ANKRD53: variants seen among roughly 807,000 people sequenced by gnomAD.
ANKRD53 encodes the protein ankyrin repeat domain 53.
A neutral mutation model predicts 30.1 loss-of-function variants in ANKRD53; 27 were observed. The ratio of observed to expected loss-of-function variants is 0.90; its 90% CI spans 0.66 to 1.24. ANKRD53 has a LOEUF of 1.24. Among genes scored for constraint, ANKRD53 ranks in the 50% most tolerant of loss-of-function variants. The pLI is 0.00. For synonymous variants in ANKRD53, 286 were observed against 295.4 expected (o/e 0.97, Z 0.33); for missense variants, 682 against 721.0 (o/e 0.95, Z 0.62).
At chr2:70,981,022 T>G (rs1223516090) in intron 3 of ANKRD53, among the ~76,000 whole-genome samples, 2 of 152,220 alleles carry the variant, frequency 1.3e-5, no homozygotes, top group Admixed American at 1.3e-4. Context: ...TGGTGTGACC[T>G]GGGCTTGGGA....
At chr2:70,981,528 G>T (rs1670008997) in intron 3 of ANKRD53, among the ~76,000 whole-genome samples, 1 of 152,182 alleles carries the variant, frequency 6.6e-6, no homozygotes. Flanking sequence ...CAAAGACCAT[G>T]TGTTGGGAAA....
In ANKRD53 at chr2:70,982,784, T is replaced by C; in HGVS notation, c.903+87T>C. 6.5e-7 allele frequency: 1 copy of C among 1,536,332 alleles called. No individual in the cohort carries two copies. The highest frequency in any genetic ancestry group is 1.2e-5 in the South Asian group (1 of 82,128). ...CAGTGACCCACATATTGTGGAGGAG[T>C]GGCTAGAAGCACTCCCACCCTGAAA... On this transcript the variant is annotated intron_variant, in intron 5 of 5. Transcript: ENST00000360589. This position sits in a 1 kb window ranked among gnomAD's most constrained non-coding sequence, Gnocchi z 4.2.
In ANKRD53 at chr2:70,982,258, T is replaced by A; in HGVS notation, c.782+158T>A. The stretch of plus-strand genomic sequence containing the variant: ...GCCCAGGATATTTTGGATGAGGCAA[T>A]CACCTCATCACCTGGGCTTGGGGGT... On this transcript the variant is annotated intron_variant, in intron 4 of 5. Coordinates refer to ENST00000360589, the MANE Select transcript of ANKRD53 (RefSeq NM_001115116.2). This position sits in a 1 kb window ranked among gnomAD's most constrained non-coding sequence, Gnocchi z 4.2. 1.1e-6 allele frequency: 1 copy of A among 881,680 alleles called. No homozygotes were observed. The highest frequency in any genetic ancestry group is 1.7e-6 in the Non-Finnish European group (1 of 596,912). 54.6% of individuals were successfully genotyped at this position (881,680 alleles called of 1,614,324 possible).
chr2:70,984,211 A>C (rs145634727), intron 5 of ANKRD53: 3 of 1,614,112 alleles, frequency 1.9e-6, no homozygotes, highest in Non-Finnish European at 2.5e-6. Flanking sequence ...CTACTATCAG[A>C]CTGTGGATTC....
Position 70,984,063 on chromosome 2 carries a change from C to T in ANKRD53, c.904-548C>T, listed in dbSNP as rs140563310. 8.9e-4 allele frequency: 1,355 copies of T among 1,527,408 alleles called. 10 individuals carry two copies. The African/African-American group carries it at 0.017, about 19-fold the overall frequency. 94.6% of individuals were successfully genotyped at this position (1,527,408 alleles called of 1,614,324 possible). The stretch of plus-strand genomic sequence containing the variant: ...TCCCTACATGACTTCTCAAGGCCCA[C>T]CACTTCCAAGAAGCGTGTCCACATC... On this transcript the variant is annotated intron_variant, in intron 5 of 5. Coordinates refer to ENST00000360589, the MANE Select transcript of ANKRD53 (RefSeq NM_001115116.2).
intron 3 of ANKRD53, among the ~76,000 whole-genome samples, 177 bp downstream of exon 3, chr2:70,980,037 C>T (rs967677613): frequency 1.1e-4 from 16 of 152,288 alleles, no homozygotes; most frequent in Admixed American, 3.3e-4. Flanking sequence ...GGGCTTTAGC[C>T]GGGCATGGTG....
In ANKRD53 at chr2:70,985,388, G is replaced by A. The variant is rs1670161316; in HGVS notation, c.*88G>A. The A allele has an allele frequency of 7.7e-7, 1 of 1,303,186 alleles. No homozygotes were observed. The highest frequency in any genetic ancestry group is 1.5e-5 in the African/African-American group (1 of 67,846). The allele number at this position is 1,303,186 out of a possible 1,614,324, so 80.7% of individuals were successfully genotyped here. A position where few individuals can be genotyped will look rare whatever the true frequency, so the allele number is the denominator to read the frequency against. On this transcript the variant is annotated 3_prime_UTR_variant, in exon 6 of 6. Transcript: ENST00000360589. ...GTTGTGGGTGGCGAGGAAAGGGGGA[G>A]GGGTGCCTATGGGCTTCCCACTCCC...
intron 3 of ANKRD53, among the ~76,000 whole-genome samples, chr2:70,980,329 A>C (rs1315301592): frequency 6.6e-6 from 1 of 151,768 alleles, no homozygotes; most frequent in African/African-American, 2.4e-5. Flanking sequence ...AAAAAAAAAA[A>C]AAAAAAAAAG....
At chr2:70,978,618 C>A (rs969382764), upstream of ANKRD53, 1 of 1,505,506 alleles carries the variant, frequency 6.6e-7, no homozygotes, top group Non-Finnish European at 8.9e-7. The surrounding 1 kb of genome is among the most constrained non-coding windows in gnomAD (Gnocchi z 4.3). Context: ...GTAGCCCGCC[C>A]GGCCCGGGTC....
chr2:70,984,474 C>CTTTCCCTCCCATCAGACTCAGAG, intron 5 of ANKRD53, 137 bp from the exon 6 acceptor site: 1 of 1,525,520 alleles, frequency 6.6e-7, no homozygotes, highest in East Asian at 2.3e-5. Flanking sequence ...CAGACTCAGA[C>CTTTCCCTCCCATCAGACTCAGAG]TTTCCCTCCC....
In ANKRD53 at chr2:70,978,983, C is replaced by T; in HGVS notation, c.171-114C>T. 6.9e-7 allele frequency: 1 copy of T among 1,453,226 alleles called. No homozygotes were observed. The highest frequency in any genetic ancestry group is 9.0e-7 in the Non-Finnish European group (1 of 1,105,938). The allele number at this position is 1,453,226 out of a possible 1,614,324, so 90.0% of individuals were successfully genotyped here. On this transcript the variant is annotated intron_variant, in intron 1 of 5. Coordinates refer to ENST00000360589, the MANE Select transcript of ANKRD53 (RefSeq NM_001115116.2). The surrounding 1 kb of genome is among the most constrained non-coding windows in gnomAD (Gnocchi z 4.3). Reference sequence around the variant, plus strand: ...TCCCGAGAGGTGCCTAGGCCGTGGCCCAGAGTCGCTTCCCCACTGCCCCGC... The same window carrying T: ...TCCCGAGAGGTGCCTAGGCCGTGGCTCAGAGTCGCTTCCCCACTGCCCCGC...
At chr2:70,984,177 ACT>A (rs1553424163) in intron 5 of ANKRD53, 12 of 1,613,888 alleles carry the variant, frequency 7.4e-6, no homozygotes, top group Non-Finnish European at 5.1e-6. Context: ...CACACCAGAG[ACT>A]CTCCTATGGC....
chr2:70,978,561 G>A, upstream of ANKRD53: 1 of 1,375,910 alleles, frequency 7.3e-7, no homozygotes, highest in Non-Finnish European at 9.4e-7. The surrounding 1 kb of genome is among the most constrained non-coding windows in gnomAD (Gnocchi z 4.3). Context: ...ACCGCGGCCA[G>A]CTGGCAAGGA....
rs10460571 is a variant in ANKRD53 at position 70,985,302 on chromosome 2, G to T, written c.*2G>T. ...CCCTCCCCACAAACCAACCCATAAA[G>T]TTATTATGGCTACCTCTCCCCCTGA... On this transcript the variant is annotated 3_prime_UTR_variant, in exon 6 of 6. Transcript: ENST00000360589. The T allele has an allele frequency of 0.06, 82,103 of 1,369,648 alleles. 3,340 individuals carry two copies. Among genetic ancestry groups the T allele is most frequent in the East Asian group, 0.18 (6,166 of 34,718 alleles). 84.8% of individuals were successfully genotyped at this position (1,369,648 alleles called of 1,614,324 possible).
In ANKRD53 at chr2:70,985,293, AC is replaced by A. The variant is rs1553424689; in HGVS notation, c.1589del (p.Pro530HisfsTer15). 1.3e-6 allele frequency: 2 copies of A among 1,547,418 alleles called. No homozygotes were observed. Among genetic ancestry groups the A allele is most frequent in the East Asian group, 4.9e-5 (2 of 40,810 alleles). ...GLPTLPSPQT[N>X]P The stretch of plus-strand genomic sequence containing the variant: ...CCCACCCTGCCCTCCCCACAAACCA[AC>A]CCATAAAGTTATTATGGCTACCTCT... On this transcript the variant is annotated frameshift_variant, in exon 6 of 6. Coordinates refer to ENST00000360589, the MANE Select transcript of ANKRD53 (RefSeq NM_001115116.2). LOFTEE classifies it high-confidence loss of function.
chr2:70,979,764 G>A lies in ANKRD53; in HGVS notation c.521G>A (p.Ser174Asn), dbSNP rs150385053. 9.3e-6 allele frequency: 15 copies of A among 1,614,112 alleles called. No homozygotes were observed. The highest frequency in any genetic ancestry group is 1.3e-5 in the African/African-American group (1 of 74,940). Residue 174 changes from serine to asparagine, a missense_variant, in exon 3 of 6, where the codon AGC (serine) becomes AAC (asparagine). Transcript: ENST00000360589. ...CCCGTGGACCTGCTGACCAACAATA[G>A]CCAGACACCCCTGCACCTCGTCATC... Reference protein sequence around the residue: ...KFPVDLLTNNSQTPLHLVIHR... With the variant: ...KFPVDLLTNNNQTPLHLVIHR...
chr2:70,979,883 G>A (rs1553423261), intron 3 of ANKRD53, 23 bp downstream of exon 3: 2 of 1,613,716 alleles, frequency 1.2e-6, no homozygotes, highest in South Asian at 2.2e-5. Flanking sequence ...TGCTTCAGGA[G>A]GGAGGCTTCG....
At chr2:70,980,844 G>C (rs1338789154) in intron 3 of ANKRD53, among the ~76,000 whole-genome samples, 1 of 151,994 alleles carries the variant, frequency 6.6e-6, no homozygotes, top group African/African-American at 2.4e-5. Context: ...TACTTGGGAG[G>C]CTGAGGCAGG....
rs1553424741 is a variant in ANKRD53, at chr2:70,985,368, G to A, written c.*68G>A. 3.5e-6 allele frequency: 5 copies of A among 1,425,798 alleles called. No homozygotes were observed. The African/African-American group carries it at 5.7e-5, about 16-fold the overall frequency. The allele number at this position is 1,425,798 out of a possible 1,614,324, so 88.3% of individuals were successfully genotyped here. Reference sequence around the variant, plus strand: ...GCTGAAGTGTGGCAATTCACGTTGTGGGTGGCGAGGAAAGGGGGAGGGGTG... The same window carrying A: ...GCTGAAGTGTGGCAATTCACGTTGTAGGTGGCGAGGAAAGGGGGAGGGGTG... On this transcript the variant is annotated 3_prime_UTR_variant, in exon 6 of 6. Transcript: ENST00000360589.
Sources: gnomAD v4.1 joint callset for allele counts (sites outside exome capture counted in the v4.1 genomes callset) on GRCh38, gnomAD v4.1.1 for gene constraint, Gnocchi (gnomAD v3.1) non-coding constraint, MANE v1.5 for transcripts, NCBI Gene and HGNC (gene_info 2026-07-23, HGNC 2026-07-21) for gene names.